Variants in WIPF1 observed in about 807,000 individuals in gnomAD.
WIPF1 encodes the protein WAS/WASL-interacting protein family member 1.
Under a neutral mutation model 35.4 loss-of-function variants are expected in WIPF1, and 13 were observed. The observed-to-expected ratio is 0.37, with a 90% CI of 0.24 to 0.58. The LOEUF (loss-of-function observed/expected upper bound fraction) is 0.58, where lower values mean the gene tolerates loss of function less well. WIPF1 is among the 20% of genes least tolerant of loss of function. The pLI is 0.74. For synonymous variants in WIPF1, 267 were observed against 266.3 expected, an observed-to-expected ratio of 1.00 and a Z score of -0.02; for missense variants, 591 against 667.0, an observed-to-expected ratio of 0.89 and a Z score of 1.25.
chr2:174,641,867 T>C (rs956340422), intron 1 of WIPF1, among the ~76,000 whole-genome samples: 4 of 152,204 alleles, frequency 2.6e-5, no homozygotes, highest in Admixed American at 2.0e-4. Context: ...TCCTGTGAGG[T>C]AGGTACTGTG....
At chr2:174,645,318 C>T (rs1687384608) in intron 1 of WIPF1, among the ~76,000 whole-genome samples, 1 of 152,076 alleles carries the variant, frequency 6.6e-6, no homozygotes, top group South Asian at 2.1e-4. Context: ...AATTTGAACC[C>T]GTTTCTGACT....
intron 1 of WIPF1, among the ~76,000 whole-genome samples, chr2:174,640,465 A>G (rs1687273870): frequency 1.3e-5 from 2 of 151,284 alleles, no homozygotes; most frequent in Non-Finnish European, 3.0e-5. Context: ...TAACCTGCAC[A>G]TTGTGCACAT....
Position 174,678,962 on chromosome 2 carries a change from C to A in WIPF1, c.-39+3812G>T, listed in dbSNP as rs1009134489. 3.3e-5 allele frequency among the ~76,000 whole-genome samples: 5 copies of A among 152,156 alleles called. No homozygotes were observed. The East Asian group carries it at 9.6e-4, about 29-fold the overall frequency. On this transcript the variant is annotated intron_variant, in intron 1 of 8. Coordinates refer to the WIPF1 transcript ENST00000272746. ...ATCGAAAGCAGTTCCTGCGTTTAGG[C>A]TTTTTTGGTATTTACCTATGGAGAA...
chr2:174,610,427 C>G (rs983776943), intron 1 of WIPF1, among the ~76,000 whole-genome samples: 4 of 152,042 alleles, frequency 2.6e-5, no homozygotes, highest in Non-Finnish European at 5.9e-5. Flanking sequence ...TAAAAAGCAG[C>G]TCCATGACTA....
At chr2:174,655,830 GC>G (rs1043964033) in intron 1 of WIPF1, 1 of 152,272 alleles carries the variant, frequency 6.6e-6, no homozygotes, top group African/African-American at 2.4e-5. Flanking sequence ...GAGGGCAGGG[GC>G]CACAGTTTGC....
rs762533332 is a variant in WIPF1 at position 174,571,995 on chromosome 2, T to C, written c.810A>G (p.Pro270=). The C allele has an allele frequency of 6.5e-7, 1 of 1,547,080 alleles. No individual in the cohort carries two copies. Among genetic ancestry groups the C allele is most frequent in the Non-Finnish European group, 8.7e-7 (1 of 1,150,152 alleles). ...LDDKPPPPPP[P]VGNRPSIHRE... ...TGTGGATGGAGGGCCTGTTGCCCAC[T>C]GGAGGAGGTGGTGGAGGGGGTTTGT... Residue 270 remains proline (P), a synonymous_variant, in exon 5 of 8, where the codon CCA becomes CCG. Coordinates refer to ENST00000679041, the MANE Select transcript of WIPF1 (RefSeq NM_001375834.1). The surrounding 1 kb of genome is among the most constrained non-coding windows in gnomAD (Gnocchi z 4.6).
rs1340221580 is a variant in WIPF1 at position 174,585,508 on chromosome 2, G to A, written c.51+15C>T. 2 of 1,612,178 alleles carry A rather than the reference G, an allele frequency of 1.2e-6. No homozygotes were observed. Among genetic ancestry groups the A allele is most frequent in the Admixed American group, 1.7e-5 (1 of 59,914 alleles). Reference sequence around the variant, plus strand: ...TGCTTTATGCATAGAAAGTGTTTGGGGAGGAGACACTCACCAGTGCAAACG... The same window carrying A: ...TGCTTTATGCATAGAAAGTGTTTGGAGAGGAGACACTCACCAGTGCAAACG... On this transcript the variant is annotated intron_variant, in intron 2 of 7. Transcript: ENST00000679041.
upstream of WIPF1, among the ~76,000 whole-genome samples, chr2:174,600,256 G>A (rs554083472): frequency 6.6e-6 from 1 of 152,194 alleles, no homozygotes; most frequent in Non-Finnish European, 1.5e-5. Flanking sequence ...ATGCAAGGGA[G>A]TAGTTGTGTA....
chr2:174,631,229 A>AT (rs1318199975), intron 1 of WIPF1, among the ~76,000 whole-genome samples: 1 of 152,224 alleles, frequency 6.6e-6, no homozygotes, highest in African/African-American at 2.4e-5. Context: ...ATGTCCACTG[A>AT]TGAATGAAGG....
At chr2:174,614,725 A>C (rs1249115299) in intron 1 of WIPF1, among the ~76,000 whole-genome samples, 2 of 152,254 alleles carry the variant, frequency 1.3e-5, no homozygotes, top group Non-Finnish European at 2.9e-5. Flanking sequence ...TTTCCAAAGT[A>C]CAAAGGCTTC....
chr2:174,637,647 C>G (rs993534264), intron 1 of WIPF1, among the ~76,000 whole-genome samples: 9 of 152,164 alleles, frequency 5.9e-5, no homozygotes, highest in African/African-American at 2.2e-4. Context: ...ATGAGCCGGG[C>G]ATGGTGGCGG....
At chr2:174,665,248 A>G (rs766457651) in intron 1 of WIPF1, 3 of 152,214 alleles carry the variant, frequency 2.0e-5, no homozygotes, top group Non-Finnish European at 4.4e-5. Context: ...ACTACGAAGC[A>G]AACACCTCGA....
intron 1 of WIPF1, among the ~76,000 whole-genome samples, chr2:174,631,055 A>G (rs1347612620): frequency 6.6e-6 from 1 of 152,184 alleles, no homozygotes; most frequent in Non-Finnish European, 1.5e-5. Flanking sequence ...AGAAGACACA[A>G]TTGCTGGATA....
chr2:174,598,509 G>A (rs1464512762), upstream of WIPF1, among the ~76,000 whole-genome samples: 1 of 152,032 alleles, frequency 6.6e-6, no homozygotes, highest in African/African-American at 2.4e-5. Flanking sequence ...GGTAGAGATG[G>A]GATCTTGCTT....
At chr2:174,632,211 T>C (rs976062986) in intron 1 of WIPF1, among the ~76,000 whole-genome samples, 4 of 152,222 alleles carry the variant, frequency 2.6e-5, no homozygotes, top group Non-Finnish European at 5.9e-5. Context: ...CCTTCTGCCA[T>C]TCTGTGTCTC....
chr2:174,621,832 G>T (rs1204416186), intron 1 of WIPF1, among the ~76,000 whole-genome samples: 1 of 152,140 alleles, frequency 6.6e-6, no homozygotes, highest in Non-Finnish European at 1.5e-5. Context: ...CATTTCAAAT[G>T]GCCCCTGCTT....
intron 1 of WIPF1, among the ~76,000 whole-genome samples, chr2:174,607,143 A>T (rs1409485824): frequency 6.6e-6 from 1 of 152,124 alleles, no homozygotes; most frequent in East Asian, 1.9e-4. Context: ...TCATCTCTTA[A>T]AGGTTCCACC....
intron 1 of WIPF1, among the ~76,000 whole-genome samples, chr2:174,609,845 C>A: frequency 6.6e-6 from 1 of 152,176 alleles, no homozygotes; most frequent in East Asian, 1.9e-4. Context: ...GCTCATCCAG[C>A]CTGGGCAGTG....
rs1685680371 is a variant in WIPF1 at position 174,593,197 on chromosome 2, C to T, written c.-39+4404G>A. Reference sequence around the variant, plus strand: ...CTTTGTTATTTTGATACATGTCCTTCCAGCTTATAAGTACATGTACATCTC... The same window carrying T: ...CTTTGTTATTTTGATACATGTCCTTTCAGCTTATAAGTACATGTACATCTC... On this transcript the variant is annotated intron_variant, in intron 1 of 7. Coordinates refer to ENST00000679041, the MANE Select transcript of WIPF1 (RefSeq NM_001375834.1). 2.0e-5 allele frequency among the ~76,000 whole-genome samples: 3 copies of T among 152,016 alleles called. No homozygotes were observed. In the South Asian group the frequency reaches 6.2e-4, roughly 32 times the overall value.
Sources: gnomAD v4.1 joint callset for allele counts (sites outside exome capture counted in the v4.1 genomes callset) on GRCh38, gnomAD v4.1.1 for gene constraint, Gnocchi (gnomAD v3.1) non-coding constraint, MANE v1.5 for transcripts, NCBI Gene and HGNC (gene_info 2026-07-23, HGNC 2026-07-21) for gene names.